The following TBC1D5 variants were observed in gnomAD, a reference collection of about 807,000 sequenced individuals.
TBC1D5 encodes TBC1 domain family member 5.
TBC1D5 carries 75 observed loss-of-function variants against 100.3 expected under a neutral mutation model. That is an observed-to-expected ratio of 0.75 (90% CI 0.62 to 0.91). TBC1D5 has a LOEUF of 0.91. TBC1D5 is among the 40% of genes least tolerant of loss of function. The pLI is 0.00. For missense variants in TBC1D5, 910 were observed against 942.4 expected (o/e 0.97, Z 0.45); for synonymous variants, 323 against 325.6 (o/e 0.99, Z 0.09).
intron 2 of TBC1D5, among the ~76,000 whole-genome samples, chr3:17,568,963 C>T (rs1330336534): frequency 6.6e-6 from 1 of 151,690 alleles, no homozygotes; most frequent in Non-Finnish European, 1.5e-5. Flanking sequence ...ATAAGATGTG[C>T]TTTTACTCTT....
At chr3:17,371,738 A>G (rs1357638611) in intron 13 of TBC1D5, among the ~76,000 whole-genome samples, 4 of 152,188 alleles carry the variant, frequency 2.6e-5, no homozygotes, top group Non-Finnish European at 5.9e-5. Context: ...AAACTACTAT[A>G]TAATTAGATG....
chr3:17,417,371 G>A (rs554910607), intron 4 of TBC1D5, among the ~76,000 whole-genome samples: 3 of 138,556 alleles, frequency 2.2e-5, no homozygotes, highest in South Asian at 2.3e-4. Context: ...TAACCAGAGT[G>A]TGATGTTCCC....
At chr3:17,565,882 T>G (rs2096590472) in intron 2 of TBC1D5, among the ~76,000 whole-genome samples, 1 of 152,036 alleles carries the variant, frequency 6.6e-6, no homozygotes, top group South Asian at 2.1e-4. Context: ...AAAATAATTT[T>G]TTCCTCCACT....
chr3:17,348,871 A>G (rs1435736236), intron 13 of TBC1D5, among the ~76,000 whole-genome samples: 1 of 152,226 alleles, frequency 6.6e-6, no homozygotes, highest in Admixed American at 6.5e-5. Flanking sequence ...AAATACCACC[A>G]AACACTAGAA....
At chr3:17,336,110 A>ACC (rs1294369399) in intron 13 of TBC1D5, among the ~76,000 whole-genome samples, 49 of 152,262 alleles carry the variant, frequency 3.2e-4, no homozygotes, top group African/African-American at 1.2e-3. Flanking sequence ...TAAAACAATA[A>ACC]CATTAAAATT....
chr3:17,428,538 A>G lies in TBC1D5; in HGVS notation c.98-19T>C. The G allele has an allele frequency of 7.3e-7, 1 of 1,377,162 alleles. No individual in the cohort carries two copies. The highest frequency in any genetic ancestry group is 9.8e-7 in the Non-Finnish European group (1 of 1,022,530). The allele number at this position is 1,377,162 out of a possible 1,614,324, so 85.3% of individuals were successfully genotyped here. Reference sequence around the variant, plus strand: ...GAATCTCCTGGAGAAAAAAATTACGACACTGAAATAATGGAGATAAACTGA... The same window carrying G: ...GAATCTCCTGGAGAAAAAAATTACGGCACTGAAATAATGGAGATAAACTGA... On this transcript the variant is annotated intron_variant, in intron 3 of 21. Transcript: ENST00000253692.
At chr3:17,246,759 A>C (rs1375550297) in intron 16 of TBC1D5, among the ~76,000 whole-genome samples, 1 of 152,200 alleles carries the variant, frequency 6.6e-6, no homozygotes, top group Non-Finnish European at 1.5e-5. Context: ...TCATAAATTT[A>C]AATACAAATG....
intron 2 of TBC1D5, among the ~76,000 whole-genome samples, chr3:17,604,287 T>G (rs2153600661): frequency 6.6e-6 from 1 of 152,264 alleles, no homozygotes; most frequent in African/African-American, 2.4e-5. Flanking sequence ...TCCCAGAATT[T>G]CCTTATGAAG....
At chr3:17,583,175 T>C (rs2096710704) in intron 2 of TBC1D5, among the ~76,000 whole-genome samples, 1 of 151,828 alleles carries the variant, frequency 6.6e-6, no homozygotes, top group East Asian at 1.9e-4. Flanking sequence ...GTCCCAGCTA[T>C]TTGAGACGCT....
chr3:17,423,137 A>T (rs778744400), intron 4 of TBC1D5, among the ~76,000 whole-genome samples: 60 of 152,212 alleles, frequency 3.9e-4, no homozygotes, highest in Non-Finnish European at 7.6e-4. Flanking sequence ...TCAAGACATT[A>T]GAACACCATT....
intron 13 of TBC1D5, among the ~76,000 whole-genome samples, chr3:17,310,579 C>T (rs2083912574): frequency 6.6e-6 from 1 of 152,002 alleles, no homozygotes; most frequent in South Asian, 2.1e-4. Flanking sequence ...ATTTACAGAA[C>T]TCTTGTTAAC....
intron 2 of TBC1D5, among the ~76,000 whole-genome samples, chr3:17,608,951 A>C (rs2061506300): frequency 6.6e-6 from 1 of 152,200 alleles, no homozygotes; most frequent in Admixed American, 6.5e-5. Context: ...CCAGCTCTGC[A>C]GCCTCCAGTG....
intron 9 of TBC1D5, among the ~76,000 whole-genome samples, chr3:17,382,327 A>G (rs2152210221): frequency 6.6e-6 from 1 of 152,176 alleles, no homozygotes; most frequent in Admixed American, 6.6e-5. Flanking sequence ...GTCTACACTC[A>G]GTGCTTTTAA....
intron 3 of TBC1D5, among the ~76,000 whole-genome samples, chr3:17,459,791 GA>G (rs2095167832): frequency 1.3e-5 from 2 of 151,824 alleles, no homozygotes; most frequent in African/African-American, 4.8e-5. Context: ...ACTGTTAACA[GA>G]TAACTGAATT....
At chr3:17,278,432 A>G (rs2080245807) in intron 15 of TBC1D5, among the ~76,000 whole-genome samples, 1 of 152,248 alleles carries the variant, frequency 6.6e-6, no homozygotes, top group African/African-American at 2.4e-5. Flanking sequence ...CACTACTTGT[A>G]CTAACCTATT....
chr3:17,524,470 A>C (rs1186947584), intron 2 of TBC1D5: 1 of 152,228 alleles, frequency 6.6e-6, no homozygotes, highest in Non-Finnish European at 1.5e-5. Context: ...AGTTGATTGT[A>C]ATAGTGAAAA....
intron 13 of TBC1D5, among the ~76,000 whole-genome samples, chr3:17,363,238 T>C (rs1185581315): frequency 1.3e-5 from 2 of 152,198 alleles, no homozygotes; most frequent in African/African-American, 2.4e-5. Flanking sequence ...GTGATAAACA[T>C]ATCTATACAT....
chr3:17,157,946 G>A (rs1439358771), exon 22 of TBC1D5: 2 of 152,216 alleles, frequency 1.3e-5, no homozygotes, highest in Admixed American at 6.5e-5. Flanking sequence ...GCAAATCACA[G>A]GGAGGTCCTG....
At chr3:17,612,685 A>G (rs2061773839) in intron 2 of TBC1D5, among the ~76,000 whole-genome samples, 1 of 152,060 alleles carries the variant, frequency 6.6e-6, no homozygotes, top group African/African-American at 2.4e-5. Context: ...TTATACATAG[A>G]AGAACTAGAA....
Sources: gnomAD v4.1 joint callset for allele counts (sites outside exome capture counted in the v4.1 genomes callset) on GRCh38, gnomAD v4.1.1 for gene constraint, MANE v1.5 for transcripts, NCBI Gene and HGNC (gene_info 2026-07-23, HGNC 2026-07-21) for gene names.